Variants in ACOXL observed in about 807,000 individuals in gnomAD.
The protein encoded by ACOXL is acyl-coenzyme A oxidase-like protein.
Under a neutral mutation model 71.9 loss-of-function variants are expected in ACOXL, and 70 were observed. The ratio of observed to expected loss-of-function variants is 0.97; its 90% CI spans 0.80 to 1.19. The LOEUF (loss-of-function observed/expected upper bound fraction) is 1.19. Among genes scored for constraint, ACOXL ranks in the 50% most tolerant of loss-of-function variants. The pLI is 0.00. For missense variants in ACOXL, 703 were observed against 736.3 expected, an observed-to-expected ratio of 0.95 and a Z score of 0.52; for synonymous variants, 253 against 281.6, an observed-to-expected ratio of 0.90 and a Z score of 1.02.
At chr2:111,002,512 A>T (rs1166956138) in intron 14 of ACOXL, among the ~76,000 whole-genome samples, 1 of 152,222 alleles carries the variant, frequency 6.6e-6, no homozygotes, top group Non-Finnish European at 1.5e-5. Flanking sequence ...CTGTGTTTTT[A>T]GTTATATGGA....
At chr2:111,081,916 A>C (rs2067944158) in intron 16 of ACOXL, among the ~76,000 whole-genome samples, 2 of 152,236 alleles carry the variant, frequency 1.3e-5, no homozygotes, top group African/African-American at 4.8e-5. Flanking sequence ...AAAACAAGCA[A>C]TGGGGAAAGG....
intron 11 of ACOXL, among the ~76,000 whole-genome samples, chr2:110,909,765 G>T (rs761786917): frequency 1.3e-5 from 2 of 150,700 alleles, no homozygotes; most frequent in Non-Finnish European, 2.9e-5. Context: ...GATTGCCCAG[G>T]CGTCGCTGGC....
intron 16 of ACOXL, among the ~76,000 whole-genome samples, chr2:111,053,195 A>G (rs2066379465): frequency 6.6e-6 from 1 of 152,154 alleles, no homozygotes; most frequent in African/African-American, 2.4e-5. Flanking sequence ...GCAATTCTAA[A>G]TATGCTTGAG....
At chr2:110,742,903 A>C (rs1212482287) in intron 1 of ACOXL, among the ~76,000 whole-genome samples, 1 of 152,254 alleles carries the variant, frequency 6.6e-6, no homozygotes, top group Non-Finnish European at 1.5e-5. Flanking sequence ...AGATTGCATC[A>C]AACTAGAAGA....
At chr2:111,096,751 G>A (rs902230462) in intron 17 of ACOXL, among the ~76,000 whole-genome samples, 1 of 152,144 alleles carries the variant, frequency 6.6e-6, no homozygotes, top group Non-Finnish European at 1.5e-5. Context: ...GAGAAATAAT[G>A]TGTAAGATGT....
At chr2:110,848,764 C>T (rs1017341974) in intron 10 of ACOXL, among the ~76,000 whole-genome samples, 9 of 152,212 alleles carry the variant, frequency 5.9e-5, no homozygotes, top group African/African-American at 2.2e-4. Context: ...TATGCTGCCA[C>T]ACCTACACAG....
chr2:111,021,216 C>A (rs2064743450), intron 14 of ACOXL, among the ~76,000 whole-genome samples: 1 of 152,152 alleles, frequency 6.6e-6, no homozygotes, highest in African/African-American at 2.4e-5. Flanking sequence ...TGTACTTCAA[C>A]TCTGACCTGG....
At chr2:111,020,953 G>C (rs1360471733) in intron 14 of ACOXL, among the ~76,000 whole-genome samples, 2 of 152,190 alleles carry the variant, frequency 1.3e-5, no homozygotes, top group East Asian at 3.8e-4. Flanking sequence ...CTGGTTGCTG[G>C]ACCCATTCAT....
In ACOXL at chr2:110,805,124, G is replaced by A. The variant is rs1030528241; in HGVS notation, c.621-139G>A. 32 of 1,119,726 alleles carry A rather than the reference G, an allele frequency of 2.9e-5. No individual in the cohort carries two copies. The African/African-American group carries it at 4.5e-4, about 16-fold the overall frequency. The allele number at this position is 1,119,726 out of a possible 1,614,324, so 69.4% of individuals were successfully genotyped here. A position where few individuals can be genotyped will look rare whatever the true frequency, so the allele number is the denominator to read the frequency against. On this transcript the variant is annotated intron_variant, in intron 8 of 17. Transcript: ENST00000439055. ...AGAGGGACTCCCCCTGCCCTTATCG[G>A]CGCTCTGTCTCAAGGGGGAAGTTCC...
At position 110,939,782 on chromosome 2, in the gene ACOXL, T is replaced by C. The variant is rs1406682499; in HGVS notation, c.1059+6140T>C. On this transcript the variant is annotated intron_variant, in intron 12 of 17. Transcript: ENST00000439055. ...CTTTCTTAAAACATTTGGGATTTTT[T>C]TGCAATTTTTAAAATTAGCTCATCA... Among the ~76,000 whole-genome samples, 5 of 152,334 alleles carry C rather than the reference T, an allele frequency of 3.3e-5. No individual in the cohort carries two copies. In the South Asian group the frequency reaches 6.2e-4, roughly 19 times the overall value.
intron 16 of ACOXL, among the ~76,000 whole-genome samples, chr2:111,073,300 C>G (rs1370046656): frequency 6.7e-6 from 1 of 148,780 alleles, no homozygotes; most frequent in Non-Finnish European, 1.5e-5. Flanking sequence ...ATGAGTTATG[C>G]TTTTGATGCC....
At chr2:111,042,910 G>A (rs572509238) in intron 15 of ACOXL, among the ~76,000 whole-genome samples, 33 of 152,238 alleles carry the variant, frequency 2.2e-4, no homozygotes, top group African/African-American at 3.6e-4. Flanking sequence ...CAAAGAGGTC[G>A]TGGCAGTGGG....
At chr2:110,777,789 T>C (rs1682835216) in intron 2 of ACOXL, among the ~76,000 whole-genome samples, 1 of 152,148 alleles carries the variant, frequency 6.6e-6, no homozygotes, top group Non-Finnish European at 1.5e-5. Context: ...TGACCTCCTG[T>C]GTGTATGTGG....
intron 12 of ACOXL, among the ~76,000 whole-genome samples, chr2:110,977,212 C>T (rs921215668): frequency 6.6e-6 from 1 of 151,934 alleles, no homozygotes; most frequent in African/African-American, 2.4e-5. Flanking sequence ...CGGTGAAACC[C>T]CGTCTCTACT....
intron 9 of ACOXL, among the ~76,000 whole-genome samples, chr2:110,812,378 ATGG>A (rs1364216971): frequency 6.6e-6 from 1 of 152,176 alleles, no homozygotes; most frequent in Non-Finnish European, 1.5e-5. Flanking sequence ...AACTCATGTT[ATGG>A]TGGTTTGTTG....
At chr2:110,878,381 C>A (rs1696191188) in intron 10 of ACOXL, among the ~76,000 whole-genome samples, 1 of 152,006 alleles carries the variant, frequency 6.6e-6, no homozygotes, top group Admixed American at 6.5e-5. Flanking sequence ...TACATGGAGA[C>A]AAAGAAATGG....
chr2:110,909,033 C>A, intron 11 of ACOXL, 128 bp downstream of exon 11: 2 of 681,404 alleles, frequency 2.9e-6, no homozygotes, highest in Non-Finnish European at 4.7e-6. Context: ...TTGTTAAAAT[C>A]GGATGCCCAG....
At chr2:110,983,330 T>A (rs1448954522) in intron 12 of ACOXL, among the ~76,000 whole-genome samples, 1 of 152,268 alleles carries the variant, frequency 6.6e-6, no homozygotes, top group Non-Finnish European at 1.5e-5. Flanking sequence ...TGTTACATAA[T>A]CATGTTGCAT....
chr2:110,934,770 G>A (rs1248687437), intron 12 of ACOXL, among the ~76,000 whole-genome samples: 1 of 152,158 alleles, frequency 6.6e-6, no homozygotes, highest in Non-Finnish European at 1.5e-5. Flanking sequence ...ATTTCTTTTA[G>A]GTGGCTAAGT....
Sources: gnomAD v4.1 joint callset for allele counts (sites outside exome capture counted in the v4.1 genomes callset) on GRCh38, gnomAD v4.1.1 for gene constraint, MANE v1.5 for transcripts, NCBI Gene and HGNC (gene_info 2026-07-23, HGNC 2026-07-21) for gene names.